The following NCAM1 variants were observed in gnomAD, a reference collection of about 807,000 sequenced individuals.
NCAM1 encodes the protein neural cell adhesion molecule 1.
In NCAM1, 14 loss-of-function variants were observed where a neutral mutation model predicts 109.8. That is an observed-to-expected ratio of 0.13 (90% CI 0.08 to 0.20). The LOEUF (loss-of-function observed/expected upper bound fraction) is 0.20. Ranked by LOEUF, NCAM1 falls within the 10% of genes least tolerant of loss-of-function variation. The probability of loss-of-function intolerance (pLI) is 1.00; values close to 1 mark genes in which losing one functional copy is unlikely to be tolerated. For missense variants in NCAM1, 774 were observed against 1,109.9 expected (o/e 0.70, Z 4.30); for synonymous variants, 418 against 442.9 (o/e 0.94, Z 0.70).
chr11:113,025,536 C>G (rs1446531018), intron 1 of NCAM1, among the ~76,000 whole-genome samples: 2 of 152,008 alleles, frequency 1.3e-5, no homozygotes, highest in African/African-American at 4.8e-5. Flanking sequence ...TAAGATGTTT[C>G]AAATAGTAAG....
intron 1 of NCAM1, among the ~76,000 whole-genome samples, chr11:113,042,930 A>G (rs1591275759): frequency 6.6e-6 from 1 of 152,244 alleles, no homozygotes; most frequent in Non-Finnish European, 1.5e-5. Context: ...TGCCTGACAC[A>G]TAGTAAGTAC....
chr11:113,238,150 C>G (rs987852428), intron 14 of NCAM1, among the ~76,000 whole-genome samples: 13 of 152,104 alleles, frequency 8.5e-5, no homozygotes, highest in South Asian at 2.1e-4. Context: ...CCAAGAAGCC[C>G]TTTGGAAAAG....
At chr11:113,017,279 T>A (rs1952230795) in intron 1 of NCAM1, among the ~76,000 whole-genome samples, 1 of 152,194 alleles carries the variant, frequency 6.6e-6, no homozygotes, top group Non-Finnish European at 1.5e-5. Context: ...AAAACAGTTA[T>A]TATACAATAC....
chr11:112,964,796 C>G (rs956796713), intron 1 of NCAM1, among the ~76,000 whole-genome samples: 1 of 152,172 alleles, frequency 6.6e-6, no homozygotes. Context: ...TCAATAAATA[C>G]TAGCATATTT....
chr11:113,021,877 A>G (rs962262040), intron 1 of NCAM1, among the ~76,000 whole-genome samples: 7 of 152,254 alleles, frequency 4.6e-5, no homozygotes, highest in Non-Finnish European at 7.3e-5. Context: ...AAAGGTAGAT[A>G]ATTAAACTAA....
intron 1 of NCAM1, among the ~76,000 whole-genome samples, chr11:113,135,212 C>G (rs1555099157): frequency 6.6e-6 from 1 of 152,170 alleles, no homozygotes; most frequent in Non-Finnish European, 1.5e-5. Context: ...TCTCTGGGAA[C>G]AGCTTCTATA....
chr11:113,179,683 A>G (rs1022151154), intron 1 of NCAM1, among the ~76,000 whole-genome samples: 1 of 152,226 alleles, frequency 6.6e-6, no homozygotes, highest in Non-Finnish European at 1.5e-5. Flanking sequence ...CCCCGAAGGC[A>G]GGATAAAGTA....
intron 1 of NCAM1, among the ~76,000 whole-genome samples, chr11:113,074,713 C>G (rs1357038327): frequency 1.3e-5 from 2 of 152,060 alleles, no homozygotes; most frequent in African/African-American, 4.8e-5. Context: ...CTTACTGCAA[C>G]CTCCGCCTCC....
At chr11:113,086,347 T>C (rs1488008003) in intron 1 of NCAM1, among the ~76,000 whole-genome samples, 1 of 152,234 alleles carries the variant, frequency 6.6e-6, no homozygotes, top group Non-Finnish European at 1.5e-5. Flanking sequence ...TTTTGGTGAA[T>C]GCTCTAAAAG....
At chr11:113,212,588 G>T (rs1203713366) in intron 7 of NCAM1, among the ~76,000 whole-genome samples, 12 of 152,174 alleles carry the variant, frequency 7.9e-5, no homozygotes, top group African/African-American at 2.7e-4. Context: ...TCCTGGGATT[G>T]TCTCCAGACC....
intron 14 of NCAM1, among the ~76,000 whole-genome samples, chr11:113,242,125 A>T (rs1202682387): frequency 6.6e-6 from 1 of 152,234 alleles, no homozygotes; most frequent in African/African-American, 2.4e-5. Flanking sequence ...AAGGTGAAGG[A>T]TGGATTCCAC....
intron 16 of NCAM1, among the ~76,000 whole-genome samples, chr11:113,256,693 A>T (rs1299241363): frequency 1.3e-5 from 2 of 152,084 alleles, no homozygotes; most frequent in Admixed American, 1.3e-4. Context: ...CTCACCACCC[A>T]CTTAAGATTC....
intron 1 of NCAM1, among the ~76,000 whole-genome samples, chr11:113,135,988 G>T (rs967872507): frequency 4.6e-5 from 7 of 152,108 alleles, no homozygotes; most frequent in African/African-American, 1.4e-4. Context: ...CACTTAACTT[G>T]CTCAGGATTT....
chr11:113,076,882 C>T (rs920994539), intron 1 of NCAM1, among the ~76,000 whole-genome samples: 188 of 152,256 alleles, frequency 1.2e-3, no homozygotes, highest in African/African-American at 4.4e-3. Context: ...CACTGAATTA[C>T]AACTGAGCAG....
chr11:113,088,365 G>A (rs1555088638), intron 1 of NCAM1, among the ~76,000 whole-genome samples: 1 of 152,150 alleles, frequency 6.6e-6, no homozygotes, highest in African/African-American at 2.4e-5. Context: ...ACTATCCTTA[G>A]AAGACACTCC....
intron 15 of NCAM1, among the ~76,000 whole-genome samples, chr11:113,252,844 T>A (rs1200167231): frequency 8.0e-6 from 1 of 125,670 alleles, no homozygotes; most frequent in Non-Finnish European, 1.6e-5. Context: ...AGAGACAGAG[T>A]TTCACTATGT....
chr11:113,215,368 T>C (rs1944497971), intron 8 of NCAM1, among the ~76,000 whole-genome samples: 2 of 152,222 alleles, frequency 1.3e-5, no homozygotes, highest in African/African-American at 2.4e-5. Flanking sequence ...GGCTTTGTTT[T>C]AGTTAGCCCA....
At chr11:113,088,620 G>A (rs911715774) in intron 1 of NCAM1, among the ~76,000 whole-genome samples, 5 of 152,162 alleles carry the variant, frequency 3.3e-5, no homozygotes, top group African/African-American at 1.2e-4. Context: ...AACTTTATGG[G>A]CCTGTCTTCT....
At chr11:113,210,517 C>T (rs782001229) in intron 7 of NCAM1, among the ~76,000 whole-genome samples, 1 of 152,128 alleles carries the variant, frequency 6.6e-6, no homozygotes, top group East Asian at 1.9e-4. Context: ...ACTCTGCCTG[C>T]ATCACCAGGT....
Sources: allele counts gnomAD v4.1 joint callset (sites outside exome capture counted in the v4.1 genomes callset), GRCh38; gene constraint gnomAD v4.1.1; transcripts MANE v1.5; gene names NCBI Gene and HGNC (gene_info 2026-07-23, HGNC 2026-07-21).